KAZN: variants seen among roughly 807,000 people sequenced by gnomAD.
KAZN encodes kazrin, periplakin interacting protein.
KAZN carries 40 observed loss-of-function variants against 87.4 expected under a neutral mutation model. The observed-to-expected ratio is 0.46, with a 90% CI of 0.36 to 0.60. The LOEUF (loss-of-function observed/expected upper bound fraction) is 0.60, where lower values mean the gene tolerates loss of function less well. Among genes scored for constraint, KAZN ranks in the 20% least tolerant of loss-of-function variants. The probability of loss-of-function intolerance (pLI) is 0.00; values close to 1 mark genes in which losing one functional copy is unlikely to be tolerated. For synonymous variants in KAZN, 466 were observed against 458.3 expected (o/e 1.02, Z -0.22); for missense variants, 898 against 1,073.9 (o/e 0.84, Z 2.29).
chr1:14,221,427 C>A (rs987251012), intron 2 of KAZN, among the ~76,000 whole-genome samples: 3 of 152,044 alleles, frequency 2.0e-5, no homozygotes, highest in Non-Finnish European at 4.4e-5. Flanking sequence ...ATGATGTTTG[C>A]AATCACGATC....
At chr1:14,770,291 G>C (rs1644987791) in intron 1 of KAZN, among the ~76,000 whole-genome samples, 1 of 152,164 alleles carries the variant, frequency 6.6e-6, no homozygotes, top group Non-Finnish European at 1.5e-5. Context: ...ACAGTCAATG[G>C]GGAATCTCAT....
chr1:14,876,334 C>T (rs975376242), intron 1 of KAZN, among the ~76,000 whole-genome samples: 3 of 152,170 alleles, frequency 2.0e-5, no homozygotes, highest in Admixed American at 6.5e-5. Flanking sequence ...ATGACATTAG[C>T]GATAGTAGCT....
At chr1:14,747,239 G>T (rs1052343213) in intron 1 of KAZN, among the ~76,000 whole-genome samples, 2 of 152,020 alleles carry the variant, frequency 1.3e-5, no homozygotes, top group Non-Finnish European at 2.9e-5. Context: ...TGGATACATA[G>T]ATAGATAGAT....
At chr1:14,432,190 C>A (rs1030698503) in intron 2 of KAZN, among the ~76,000 whole-genome samples, 4 of 152,194 alleles carry the variant, frequency 2.6e-5, no homozygotes, top group African/African-American at 9.7e-5. Flanking sequence ...CAAAGAACAA[C>A]TTTTTCTAGA....
chr1:14,277,045 T>A (rs562988406), intron 2 of KAZN, among the ~76,000 whole-genome samples: 2 of 152,202 alleles, frequency 1.3e-5, no homozygotes, highest in Non-Finnish European at 2.9e-5. Flanking sequence ...ACAAAATAAG[T>A]TTTAGAAAAT....
chr1:14,076,574 C>T (rs997389149), intron 1 of KAZN, among the ~76,000 whole-genome samples: 1 of 152,132 alleles, frequency 6.6e-6, no homozygotes. Flanking sequence ...AGAACCCTAG[C>T]AAACTAGTTC....
chr1:14,657,318 G>A (rs1279650178), intron 1 of KAZN, among the ~76,000 whole-genome samples: 4 of 152,112 alleles, frequency 2.6e-5, no homozygotes, highest in African/African-American at 9.7e-5. Context: ...CCCGACCTCA[G>A]GTGATCTGCC....
intron 2 of KAZN, among the ~76,000 whole-genome samples, chr1:15,004,548 T>A (rs887210730): frequency 6.6e-6 from 1 of 152,202 alleles, no homozygotes; most frequent in African/African-American, 2.4e-5. Flanking sequence ...GTTTTGAGAA[T>A]CAAATGAGAT....
At chr1:14,376,735 T>C (rs1434534799) in intron 2 of KAZN, among the ~76,000 whole-genome samples, 2 of 152,238 alleles carry the variant, frequency 1.3e-5, no homozygotes, top group Admixed American at 1.3e-4. Flanking sequence ...ATATGACCTC[T>C]GTGTGCAGTG....
intron 1 of KAZN, among the ~76,000 whole-genome samples, chr1:14,112,783 T>G (rs1195172322): frequency 6.6e-6 from 1 of 152,206 alleles, no homozygotes; most frequent in Admixed American, 6.5e-5. Context: ...GCTGTGCTTC[T>G]TGTTCCTGCC....
chr1:14,094,550 G>T (rs1420400096), intron 1 of KAZN, among the ~76,000 whole-genome samples: 1 of 152,148 alleles, frequency 6.6e-6, no homozygotes, highest in East Asian at 1.9e-4. Flanking sequence ...AAAGAATTGA[G>T]TAGATCTTTA....
chr1:14,037,233 G>A (rs1455275995), intron 1 of KAZN, among the ~76,000 whole-genome samples: 1 of 152,188 alleles, frequency 6.6e-6, no homozygotes, highest in Non-Finnish European at 1.5e-5. Context: ...CTACATGGCA[G>A]TTCCTTGTTA....
At chr1:14,784,970 T>C (rs1476745494) in intron 1 of KAZN, among the ~76,000 whole-genome samples, 1 of 107,368 alleles carries the variant, frequency 9.3e-6, no homozygotes. Flanking sequence ...GACTGCTTAC[T>C]TTTTTTTTTT....
chr1:14,516,555 G>C (rs1041987633), intron 2 of KAZN, among the ~76,000 whole-genome samples: 2 of 152,176 alleles, frequency 1.3e-5, no homozygotes, highest in Non-Finnish European at 2.9e-5. Context: ...TCTCTTCTGC[G>C]AGAAACAACA....
intron 1 of KAZN, among the ~76,000 whole-genome samples, chr1:14,883,590 C>T (rs1653724706): frequency 6.6e-6 from 1 of 151,040 alleles, no homozygotes. Flanking sequence ...TCACCTCCCG[C>T]CTACCCAATC....
intron 2 of KAZN, among the ~76,000 whole-genome samples, chr1:14,309,906 ACAAGT>A (rs1655170770): frequency 1.3e-5 from 2 of 152,202 alleles, no homozygotes; most frequent in African/African-American, 4.8e-5. Context: ...CTGCAGGGAC[ACAAGT>A]CAAGTTCAAA....
At chr1:14,680,695 G>A (rs1043806990) in intron 1 of KAZN, among the ~76,000 whole-genome samples, 1 of 152,076 alleles carries the variant, frequency 6.6e-6, no homozygotes, top group Non-Finnish European at 1.5e-5. Flanking sequence ...TCCCATTTAT[G>A]AGTGAGAACA....
intron 1 of KAZN, among the ~76,000 whole-genome samples, chr1:14,079,553 G>A (rs1472460234): frequency 2.0e-5 from 3 of 152,160 alleles, no homozygotes; most frequent in Admixed American, 1.3e-4. Context: ...TTCAGCGGCC[G>A]AGGATTACTA....
chr1:14,438,672 G>A (rs1257092935), intron 2 of KAZN, among the ~76,000 whole-genome samples: 2 of 152,172 alleles, frequency 1.3e-5, no homozygotes, highest in Non-Finnish European at 1.5e-5. Context: ...GAGTGTTGTG[G>A]GCACCTGTCA....
Sources: gnomAD v4.1 joint callset for allele counts (sites outside exome capture counted in the v4.1 genomes callset) on GRCh38, gnomAD v4.1.1 for gene constraint, MANE v1.5 for transcripts, NCBI Gene and HGNC (gene_info 2026-07-23, HGNC 2026-07-21) for gene names.